Variants in FLT3 observed in about 807,000 individuals in gnomAD.
The protein encoded by FLT3 is fms related receptor tyrosine kinase 3.
In FLT3, 46 loss-of-function variants were observed where a neutral mutation model predicts 126.6. The observed-to-expected ratio is 0.36, with a 90% CI of 0.29 to 0.46. FLT3 has a LOEUF of 0.46. Among genes scored for constraint, FLT3 ranks in the 20% least tolerant of loss-of-function variants. The pLI is 1.00. For synonymous variants in FLT3, 404 were observed against 434.4 expected (o/e 0.93, Z 0.87); for missense variants, 1,069 against 1,190.3 (o/e 0.90, Z 1.50).
At chr13:28,049,860 CTT>C in intron 6 of FLT3, 86 bp from the exon 7 acceptor site, 2 of 1,404,780 alleles carry the variant, frequency 1.4e-6, no homozygotes, top group Admixed American at 2.2e-5. Context: ...TGAACAAAGA[CTT>C]TAGCATCATC....
chr13:28,006,306 TTGTGTG>T (rs4002773), intron 23 of FLT3, among the ~76,000 whole-genome samples: 27,746 of 146,954 alleles, frequency 0.19, 3,013 homozygotes, highest in Admixed American at 0.29. Context: ...TTCTAGAAAA[TTGTGTG>T]TGTGTGTGTG....
chr13:28,060,933 T>C (rs1876501514), intron 3 of FLT3, among the ~76,000 whole-genome samples: 1 of 151,960 alleles, frequency 6.6e-6, no homozygotes, highest in Non-Finnish European at 1.5e-5. Flanking sequence ...GTTTTAGACT[T>C]ACAGGAAAAT....
chr13:28,063,651 TG>T (rs1252531745), intron 2 of FLT3, among the ~76,000 whole-genome samples: 1 of 151,762 alleles, frequency 6.6e-6, no homozygotes, highest in African/African-American at 2.4e-5. Flanking sequence ...GTAGCTCTTC[TG>T]CTACCAGTCA....
At chr13:28,036,849 G>A (rs1029104433) in intron 10 of FLT3, among the ~76,000 whole-genome samples, 10 of 152,126 alleles carry the variant, frequency 6.6e-5, no homozygotes, top group South Asian at 2.1e-4. Context: ...GCATGGTGGC[G>A]CGTGCCTGTA....
Position 28,035,889 on chromosome 13 carries a change from G to C in FLT3, c.1418+46C>G, listed in dbSNP as rs754356487. On this transcript the variant is annotated intron_variant, in intron 11 of 23. Coordinates refer to ENST00000241453, the MANE Select transcript of FLT3 (RefSeq NM_004119.3). Reference sequence around the variant, plus strand: ...TTCATGAAAGAGTCAATAGGTCAGAGAGTTTTATGTTCTTCCATTATAAGA... The same window carrying C: ...TTCATGAAAGAGTCAATAGGTCAGACAGTTTTATGTTCTTCCATTATAAGA... 2.8e-6 allele frequency: 4 copies of C among 1,438,300 alleles called. No individual in the cohort carries two copies. The East Asian group carries it at 6.8e-5, about 24-fold the overall frequency. 89.1% of individuals were successfully genotyped at this position (1,438,300 alleles called of 1,614,324 possible).
chr13:28,025,004 T>A, intron 17 of FLT3, 61 bp from the exon 18 acceptor site: 1 of 914,712 alleles, frequency 1.1e-6, no homozygotes, highest in Non-Finnish European at 1.8e-6. Flanking sequence ...CATTTTATTT[T>A]AAAAATGTAA....
At position 28,015,579 on chromosome 13, in the gene FLT3, G is replaced by A. The variant is rs767077062; in HGVS notation, c.2653+11C>T. ...CAGGAGCCAAGGGAGGCCAGCAGCTGCCCAACTTACCAAGTGAGAAGATTT... is the reference window on the plus strand; with the variant it reads ...CAGGAGCCAAGGGAGGCCAGCAGCTACCCAACTTACCAAGTGAGAAGATTT... On this transcript the variant is annotated intron_variant, in intron 21 of 23. Coordinates refer to ENST00000241453, the MANE Select transcript of FLT3 (RefSeq NM_004119.3). 1.3e-6 allele frequency: 2 copies of A among 1,555,190 alleles called. No homozygotes were observed. The highest frequency in any genetic ancestry group is 1.8e-6 in the Non-Finnish European group (2 of 1,127,986).
intron 1 of FLT3, among the ~76,000 whole-genome samples, chr13:28,085,701 T>C (rs545028991): frequency 6.6e-6 from 1 of 152,184 alleles, no homozygotes; most frequent in South Asian, 2.1e-4. Flanking sequence ...TTTCTAGCAA[T>C]ATTCTTTTCT....
intron 9 of FLT3, among the ~76,000 whole-genome samples, chr13:28,043,519 T>C (rs905311067): frequency 1.8e-4 from 28 of 152,176 alleles, no homozygotes; most frequent in African/African-American, 6.5e-4. Context: ...GTAACAGATT[T>C]TTAAAAAATT....
At chr13:28,049,204 G>A (rs1040305056) in intron 8 of FLT3, among the ~76,000 whole-genome samples, 180 bp downstream of exon 8, 1 of 152,166 alleles carries the variant, frequency 6.6e-6, no homozygotes, top group African/African-American at 2.4e-5. Flanking sequence ...AGCGAGCCTG[G>A]TTTAACGGGA....
chr13:28,034,998 A>G (rs1461725929), intron 12 of FLT3, among the ~76,000 whole-genome samples: 11 of 152,190 alleles, frequency 7.2e-5, no homozygotes, highest in Non-Finnish European at 1.5e-4. Flanking sequence ...CAGAGAAAAA[A>G]GAAGTTCATA....
chr13:28,009,646 C>T (rs1034480204), intron 23 of FLT3, among the ~76,000 whole-genome samples: 11 of 151,982 alleles, frequency 7.2e-5, no homozygotes, highest in African/African-American at 2.4e-4. Flanking sequence ...CAGCCATGAC[C>T]GCTCCCCAGA....
At chr13:28,015,391 A>G in intron 21 of FLT3, 135 bp from the exon 22 acceptor site, 5 of 755,460 alleles carry the variant, frequency 6.6e-6, no homozygotes, top group Non-Finnish European at 1.2e-5. Flanking sequence ...GCTGGGAAAA[A>G]GAAGTCACGG....
chr13:28,046,078 T>G (rs1196903537), intron 9 of FLT3, among the ~76,000 whole-genome samples: 2 of 152,048 alleles, frequency 1.3e-5, no homozygotes, highest in Non-Finnish European at 2.9e-5. Context: ...TATCCTACAG[T>G]GCACAGGACA....
intron 2 of FLT3, among the ~76,000 whole-genome samples, chr13:28,069,277 T>A (rs981129740): frequency 3.9e-5 from 6 of 152,042 alleles, no homozygotes; most frequent in African/African-American, 7.2e-5. Flanking sequence ...GAATATGAGA[T>A]GATTATATGA....
intron 1 of FLT3, among the ~76,000 whole-genome samples, chr13:28,096,612 T>C (rs1879467405): frequency 6.6e-6 from 1 of 152,034 alleles, no homozygotes; most frequent in South Asian, 2.1e-4. Context: ...AACTTTTGTA[T>C]TTTTAGTAGA....
At chr13:28,041,888 C>T (rs1399660187) in intron 9 of FLT3, among the ~76,000 whole-genome samples, 1 of 152,124 alleles carries the variant, frequency 6.6e-6, no homozygotes, top group African/African-American at 2.4e-5. Flanking sequence ...AACGATGGCT[C>T]ACGCCTGCAA....
chr13:28,066,628 TA>T (rs1259689085), intron 2 of FLT3, among the ~76,000 whole-genome samples: 1 of 151,966 alleles, frequency 6.6e-6, no homozygotes, highest in Non-Finnish European at 1.5e-5. Context: ...GAGGATAAAA[TA>T]AATATTCATG....
intron 19 of FLT3, among the ~76,000 whole-genome samples, chr13:28,021,306 C>T (rs907993164): frequency 1.3e-5 from 2 of 152,194 alleles, no homozygotes; most frequent in Non-Finnish European, 2.9e-5. Flanking sequence ...AGGAGGATCG[C>T]TTGAACCTGG....
Sources: gnomAD v4.1 joint callset for allele counts (sites outside exome capture counted in the v4.1 genomes callset) on GRCh38, gnomAD v4.1.1 for gene constraint, MANE v1.5 for transcripts, NCBI Gene and HGNC (gene_info 2026-07-23, HGNC 2026-07-21) for gene names.